VGLL1: variants seen among roughly 807,000 people sequenced by gnomAD.
VGLL1 encodes the protein vestigial like family member 1, also known as transcription cofactor vestigial-like protein 1.
Under a neutral mutation model 12.0 loss-of-function variants are expected in VGLL1, and 4 were observed. The observed-to-expected ratio is 0.33, with a 90% CI of 0.16 to 0.76. VGLL1 has a LOEUF of 0.76. VGLL1 is among the 30% of genes least tolerant of loss of function. The pLI is 0.60. For missense variants in VGLL1, 204 were observed against 208.7 expected, an observed-to-expected ratio of 0.98 and a Z score of 0.14; for synonymous variants, 87 against 81.2, an observed-to-expected ratio of 1.07 and a Z score of -0.39.
chrX:136,548,936 G>A lies in VGLL1; in HGVS notation c.562G>A (p.Glu188Lys). The A allele has an allele frequency of 8.2e-7, 1 of 1,212,232 alleles. No homozygotes were observed. The highest frequency in any genetic ancestry group is 1.1e-6 in the Non-Finnish European group (1 of 895,627). ...LARPQESAAR[E>K]NGNPGQIAGS... is the part of the protein sequence containing the mutation. ...CCGTCCTCAGGAATCTGCCGCCAGG[G>A]AGAATGGCAACCCTGGCCAGATAGC... The change falls in exon 3 of 5, where the codon GAG becomes AAG. Residue 188 changes from glutamate (E) to lysine (K), a missense_variant. By Grantham distance (56) the Glu-to-Lys change is moderately conservative. Coordinates refer to ENST00000370634, the MANE Select transcript of VGLL1 (RefSeq NM_016267.4).
intron 1 of VGLL1, among the ~76,000 whole-genome samples, chrX:136,534,360 C>T (rs1412480867): frequency 8.9e-6 from 1 of 112,318 alleles, no homozygotes; most frequent in African/African-American, 3.2e-5. Context: ...ATTTCATCAC[C>T]GCAGATTATT....
chrX:136,549,305 C>T (rs1172675827), intron 3 of VGLL1, among the ~76,000 whole-genome samples: 4 of 111,520 alleles, frequency 3.6e-5, no homozygotes, highest in African/African-American at 6.5e-5. Context: ...TGCGTAATAT[C>T]GCAGGGTCCT....
At chrX:136,534,001 G>C (rs981661411) in intron 1 of VGLL1, among the ~76,000 whole-genome samples, 1 of 112,459 alleles carries the variant, frequency 8.9e-6, no homozygotes, top group Non-Finnish European at 1.9e-5. Context: ...GAAGATAGCT[G>C]TGTAGTTTCT....
At chrX:136,554,908 G>A (rs1603310459) in intron 4 of VGLL1, among the ~76,000 whole-genome samples, 1 of 112,511 alleles carries the variant, frequency 8.9e-6, no homozygotes, top group African/African-American at 3.2e-5. Flanking sequence ...AGTGAAGAAA[G>A]TCTGGGTAAA....
chrX:136,553,891 G>A (rs2075894130), intron 4 of VGLL1, among the ~76,000 whole-genome samples: 1 of 111,966 alleles, frequency 8.9e-6, no homozygotes, highest in African/African-American at 3.2e-5. Context: ...ACATTCTGGA[G>A]GTTAGTCTCA....
chrX:136,542,305 C>T (rs779630534), intron 2 of VGLL1, among the ~76,000 whole-genome samples: 6 of 111,653 alleles, frequency 5.4e-5, no homozygotes, highest in Non-Finnish European at 1.1e-4. Flanking sequence ...CTTCTTTTCC[C>T]GTAAGGAAGA....
chrX:136,550,878 A>G, intron 4 of VGLL1, 57 bp downstream of exon 4: 2 of 1,070,727 alleles, frequency 1.9e-6, no homozygotes, highest in African/African-American at 3.6e-5. Context: ...AACGAACTTG[A>G]GAAATAAGGC....
intron 2 of VGLL1, among the ~76,000 whole-genome samples, chrX:136,543,515 C>T (rs1172800001): frequency 9.0e-6 from 1 of 111,469 alleles, no homozygotes; most frequent in Non-Finnish European, 1.9e-5. Flanking sequence ...CATGGTGGCT[C>T]ATTCCTGTAA....
At chrX:136,545,053 T>A (rs2075866073) in intron 2 of VGLL1, among the ~76,000 whole-genome samples, 1 of 112,459 alleles carries the variant, frequency 8.9e-6, no homozygotes, top group African/African-American at 3.2e-5. Context: ...CAGCTACCAC[T>A]TATTGAGTGC....
chrX:136,537,326 T>C (rs1373939421), intron 2 of VGLL1, among the ~76,000 whole-genome samples: 1 of 110,193 alleles, frequency 9.1e-6, no homozygotes, highest in Non-Finnish European at 1.9e-5. Flanking sequence ...TGGGCCATGA[T>C]TGCACCACTG....
intron 2 of VGLL1, among the ~76,000 whole-genome samples, chrX:136,542,937 A>G (rs1038323269): frequency 5.4e-5 from 6 of 111,672 alleles, no homozygotes; most frequent in Non-Finnish European, 1.9e-5. Context: ...CACGTGGATT[A>G]TCTCACTGAA....
chrX:136,551,508 G>T (rs1371026778), intron 4 of VGLL1, among the ~76,000 whole-genome samples: 1 of 111,769 alleles, frequency 8.9e-6, no homozygotes, highest in Admixed American at 9.4e-5. Flanking sequence ...TCATGACCTG[G>T]GTTCAGGGTC....
At chrX:136,550,712 C>T in intron 3 of VGLL1, 56 bp from the exon 4 acceptor site, 4 of 1,082,259 alleles carry the variant, frequency 3.7e-6, no homozygotes, top group Non-Finnish European at 5.1e-6. Context: ...ACTGGGCACT[C>T]TCTAACCTAG....
chrX:136,548,509 G>T (rs1334469308), intron 2 of VGLL1, 80 bp from the exon 3 acceptor site: 12 of 965,616 alleles, frequency 1.2e-5, no homozygotes, highest in Admixed American at 6.0e-5. Context: ...AAAAAAAATA[G>T]AGTATGTATT....
At chrX:136,553,710 T>C (rs1482484244) in intron 4 of VGLL1, among the ~76,000 whole-genome samples, 1 of 112,314 alleles carries the variant, frequency 8.9e-6, no homozygotes, top group Non-Finnish European at 1.9e-5. Flanking sequence ...AGATTTCCTA[T>C]GTGAGGCTCC....
rs778994068 is a variant in VGLL1 at position 136,548,629 on chromosome X, A to C, written c.255A>C (p.Pro85=). 12 of 1,212,042 alleles carry C rather than the reference A, an allele frequency of 9.9e-6. No individual in the cohort carries two copies. In the South Asian group the frequency reaches 2.1e-4, roughly 21 times the overall value. The part of the protein sequence containing the change: ...MSPNQWRYSS[P]WTKPQPEVPV... ...CAAATCAGTGGCGTTACTCGTCTCCATGGACAAAGCCACAACCAGAAGTAC... is the reference window on the plus strand; with the variant it reads ...CAAATCAGTGGCGTTACTCGTCTCCCTGGACAAAGCCACAACCAGAAGTAC... Residue 85 remains proline, a synonymous_variant, in exon 3 of 5, where the codon CCA becomes CCC. Coordinates refer to ENST00000370634, the MANE Select transcript of VGLL1 (RefSeq NM_016267.4).
In VGLL1 at chrX:136,550,421, G is replaced by A. The variant is rs1017072680; in HGVS notation, c.635-347G>A. 14 of 156,633 alleles carry A rather than the reference G, an allele frequency of 8.9e-5. No individual in the cohort carries two copies. In the Admixed American group the frequency reaches 1.1e-3, roughly 12 times the overall value. 12.9% of individuals were successfully genotyped at this position (156,633 alleles called of 1,213,427 possible). ...CAAGGCACATCATGGTGAAACTAAT[G>A]CAGGCATTGTCCTATTCCTGAAATC... On this transcript the variant is annotated intron_variant, in intron 3 of 4. Coordinates refer to ENST00000370634, the MANE Select transcript of VGLL1 (RefSeq NM_016267.4).
chrX:136,555,825 A>G (rs1371225562), intron 4 of VGLL1, among the ~76,000 whole-genome samples: 3 of 112,007 alleles, frequency 2.7e-5, no homozygotes, highest in Non-Finnish European at 3.8e-5. Context: ...GTAGACAAAC[A>G]TAAGTAGGAT....
chrX:136,551,707 T>C (rs1040713448), intron 4 of VGLL1, among the ~76,000 whole-genome samples: 5 of 111,620 alleles, frequency 4.5e-5, no homozygotes, highest in Admixed American at 1.9e-4. Context: ...ACTCTAAGCG[T>C]TGGCATACAT....
Sources: gnomAD v4.1 joint callset for allele counts (sites outside exome capture counted in the v4.1 genomes callset) on GRCh38, gnomAD v4.1.1 for gene constraint, MANE v1.5 for transcripts, NCBI Gene and HGNC (gene_info 2026-07-23, HGNC 2026-07-21) for gene names.